Variants in CFAP61 observed in about 807,000 individuals in gnomAD.
CFAP61 encodes the protein cilia and flagella associated protein 61.
In CFAP61, 107 loss-of-function variants were observed where a neutral mutation model predicts 135.6. That is an observed-to-expected ratio of 0.79 (90% CI 0.67 to 0.93). The LOEUF is 0.93. Ranked by LOEUF, CFAP61 falls within the 40% of genes least tolerant of loss-of-function variation. The pLI is 0.00. For synonymous variants in CFAP61, 575 were observed against 578.5 expected, an observed-to-expected ratio of 0.99 and a Z score of 0.09; for missense variants, 1,507 against 1,556.2, an observed-to-expected ratio of 0.97 and a Z score of 0.53.
rs568235026 is a variant in CFAP61, at chr20:20,244,323, G to A, written c.2061-1794G>A. On this transcript the variant is annotated intron_variant, in intron 18 of 26. Transcript: ENST00000245957. Reference sequence around the variant, plus strand: ...TTTTCCATGAGAGCCCTGCCCCTGCGGCAAACTTCTGCCTGGACATCCAGG... The same window carrying A: ...TTTTCCATGAGAGCCCTGCCCCTGCAGCAAACTTCTGCCTGGACATCCAGG... 2.8e-4 allele frequency among the ~76,000 whole-genome samples: 42 copies of A among 152,304 alleles called. 1 individual carries two copies. In the South Asian group the frequency reaches 6.4e-3, roughly 23 times the overall value.
rs762132676 is a variant in CFAP61, at chr20:20,360,314, A to T, written c.3618A>T (p.Glu1206Asp). 5 of 1,613,762 alleles carry T rather than the reference A, an allele frequency of 3.1e-6. No individual in the cohort carries two copies. Among genetic ancestry groups the T allele is most frequent in the Non-Finnish European group, 3.4e-6 (4 of 1,179,980 alleles). Residue 1206 changes from glutamate (E) to aspartate (D), a missense_variant, in exon 27 of 27, where the codon GAA becomes GAT. Glu to Asp is a conservative substitution (Grantham distance 45). Transcript: ENST00000245957. ...PRQYLKRVFEESIYKTLVERS... is the reference protein window; with the variant it reads ...PRQYLKRVFEDSIYKTLVERS... Reference sequence around the variant, plus strand: ...AATACCTCAAAAGAGTTTTTGAGGAATCCATCTACAAAACCCTGGTGGAGA... The same window carrying T: ...AATACCTCAAAAGAGTTTTTGAGGATTCCATCTACAAAACCCTGGTGGAGA...
intron 8 of CFAP61, among the ~76,000 whole-genome samples, chr20:20,125,689 T>A (rs1232931542): frequency 1.3e-5 from 2 of 151,864 alleles, no homozygotes; most frequent in Admixed American, 6.6e-5. Flanking sequence ...ATGTGCATTC[T>A]GTAGTTGTTG....
At chr20:20,127,433 C>T (rs2050149648) in intron 8 of CFAP61, among the ~76,000 whole-genome samples, 1 of 151,736 alleles carries the variant, frequency 6.6e-6, no homozygotes, top group Admixed American at 6.5e-5. Context: ...AGTACTCTCC[C>T]CCTTTTCCTA....
chr20:20,181,349 T>C (rs1191322604), intron 13 of CFAP61, among the ~76,000 whole-genome samples: 2 of 150,702 alleles, frequency 1.3e-5, no homozygotes, highest in South Asian at 2.1e-4. Flanking sequence ...GGATTGAAAA[T>C]CCCAATCTTT....
Position 20,090,925 on chromosome 20 carries a change from G to A in CFAP61, c.648G>A (p.Leu216=), listed in dbSNP as rs1399285367. The A allele has an allele frequency of 6.2e-7, 1 of 1,614,104 alleles. No homozygotes were observed. The highest frequency in any genetic ancestry group is 1.1e-5 in the South Asian group (1 of 91,080). ...AGGAAACTTACGGTGAATACTTCCT[G>A]GCCGAACTAATAGAGGCCCAAGATG... The part of the protein sequence containing the change: ...ILKETYGEYF[L]AELIEAQDEE... Residue 216 remains leucine, a synonymous_variant, in exon 7 of 27, where the codon CTG becomes CTA. Transcript: ENST00000245957.
At chr20:20,192,026 T>C (rs1300129452) in intron 15 of CFAP61, among the ~76,000 whole-genome samples, 1 of 152,124 alleles carries the variant, frequency 6.6e-6, no homozygotes, top group East Asian at 1.9e-4. Context: ...TAGGGGAGTG[T>C]TCTCTCATTT....
intron 9 of CFAP61, among the ~76,000 whole-genome samples, chr20:20,157,378 A>G (rs992604569): frequency 2.8e-4 from 43 of 152,160 alleles, no homozygotes; most frequent in African/African-American, 1.0e-3. Flanking sequence ...TGGCCTAATT[A>G]TTATAAGATT....
chr20:20,162,610 G>A (rs1601082723), intron 10 of CFAP61, among the ~76,000 whole-genome samples: 1 of 152,100 alleles, frequency 6.6e-6, no homozygotes, highest in Admixed American at 6.6e-5. Flanking sequence ...AAAAGACAAA[G>A]AAAAGACCTG....
chr20:20,320,365 AAT>A (rs375835955), intron 25 of CFAP61, among the ~76,000 whole-genome samples: 420 of 11,282 alleles, frequency 0.037, 61 homozygotes, highest in South Asian at 0.081. Context: ...TAATATATGT[AAT>A]ATATATTATA....
At chr20:20,190,655 C>T (rs1254503355) in intron 14 of CFAP61, among the ~76,000 whole-genome samples, 1 of 151,940 alleles carries the variant, frequency 6.6e-6, no homozygotes, top group Admixed American at 6.6e-5. Context: ...TATGGTTTTG[C>T]AAAATGTTAT....
chr20:20,169,712 G>T (rs1336483540), intron 13 of CFAP61, among the ~76,000 whole-genome samples: 1 of 152,156 alleles, frequency 6.6e-6, no homozygotes, highest in Non-Finnish European at 1.5e-5. Flanking sequence ...GACAGATTCT[G>T]TAGGCAGAAC....
At chr20:20,053,955 C>T (rs1049775063) in intron 1 of CFAP61, among the ~76,000 whole-genome samples, 1 of 147,992 alleles carries the variant, frequency 6.8e-6, no homozygotes, top group South Asian at 2.1e-4. Flanking sequence ...CCATCCTTCT[C>T]TCTTACATTT....
At chr20:20,326,387 A>G (rs2057749111) in intron 25 of CFAP61, among the ~76,000 whole-genome samples, 1 of 152,128 alleles carries the variant, frequency 6.6e-6, no homozygotes, top group Admixed American at 6.6e-5. Flanking sequence ...CTTCTTTTTG[A>G]ATTCTGTCTC....
intron 17 of CFAP61, among the ~76,000 whole-genome samples, chr20:20,222,695 T>C (rs1278133218): frequency 6.6e-6 from 1 of 152,212 alleles, no homozygotes; most frequent in East Asian, 1.9e-4. Flanking sequence ...GCTTTTTGAA[T>C]TGCATTTTAT....
intron 18 of CFAP61, among the ~76,000 whole-genome samples, chr20:20,243,532 A>G (rs2050182122): frequency 6.6e-6 from 1 of 151,004 alleles, no homozygotes; most frequent in Non-Finnish European, 1.5e-5. Flanking sequence ...CCACCTCCCC[A>G]GTTCAAGTGA....
chr20:20,216,287 G>A (rs1404095141), intron 17 of CFAP61, among the ~76,000 whole-genome samples: 16 of 152,216 alleles, frequency 1.1e-4, no homozygotes, highest in South Asian at 2.1e-4. Flanking sequence ...TTAAAAGTAC[G>A]TGACCTATCT....
At chr20:20,246,486 C>A (rs973009615) in intron 19 of CFAP61, among the ~76,000 whole-genome samples, 5 of 152,200 alleles carry the variant, frequency 3.3e-5, no homozygotes, top group Non-Finnish European at 7.3e-5. Context: ...CCCAGCCAGC[C>A]CTGCCTTTGG....
At chr20:20,316,921 G>C (rs1177702303) in intron 25 of CFAP61, 1 of 141,504 alleles carries the variant, frequency 7.1e-6, no homozygotes, top group Admixed American at 6.9e-5. Flanking sequence ...CTGTCATCCA[G>C]GCTGGAGTGC....
chr20:20,060,451 A>G (rs1022073348), intron 2 of CFAP61, among the ~76,000 whole-genome samples: 1 of 152,248 alleles, frequency 6.6e-6, no homozygotes, highest in African/African-American at 2.4e-5. Flanking sequence ...CTTGCATAAA[A>G]CAATAATATT....
Sources: allele counts gnomAD v4.1 joint callset (sites outside exome capture counted in the v4.1 genomes callset), GRCh38; gene constraint gnomAD v4.1.1; transcripts MANE v1.5; gene names NCBI Gene and HGNC (gene_info 2026-07-23, HGNC 2026-07-21).